Variants in ATP4A observed in about 807,000 individuals in gnomAD.
ATP4A encodes ATPase H+/K+ transporting subunit alpha.
ATP4A carries 73 observed loss-of-function variants against 112.1 expected under a neutral mutation model. That is an observed-to-expected ratio of 0.65 (90% CI 0.54 to 0.79). The LOEUF (loss-of-function observed/expected upper bound fraction) is 0.79. ATP4A is among the 30% of genes least tolerant of loss of function. The pLI, the probability that ATP4A is intolerant of heterozygous loss-of-function variation, is 0.00. For missense variants in ATP4A, 1,081 were observed against 1,425.9 expected, an observed-to-expected ratio of 0.76 and a Z score of 3.90; for synonymous variants, 588 against 588.9, an observed-to-expected ratio of 1.00 and a Z score of 0.02.
At position 35,560,227 on chromosome 19, in the gene ATP4A, G is replaced by A; in HGVS notation, c.787+136C>T. The A allele has an allele frequency of 6.6e-7, 1 of 1,524,532 alleles. No homozygotes were observed. Among genetic ancestry groups the A allele is most frequent in the Non-Finnish European group, 8.9e-7 (1 of 1,127,384 alleles). The allele number at this position is 1,524,532 out of a possible 1,614,324, so 94.4% of individuals were successfully genotyped here. ...AGACAGAGAAGCAGTGTGCCCTGGG[G>A]AGGTGGCAGTCACGGGGAGGTGGCA... On this transcript the variant is annotated intron_variant, in intron 6 of 21. Coordinates refer to ENST00000262623, the MANE Select transcript of ATP4A (RefSeq NM_000704.3). The surrounding 1 kb of genome is among the most constrained non-coding windows in gnomAD (Gnocchi z 5.1).
In ATP4A at chr19:35,560,954, G is replaced by A. The variant is rs752057358; in HGVS notation, c.421-22C>T. On this transcript the variant is annotated intron_variant, in intron 4 of 21. Transcript: ENST00000262623. The surrounding 1 kb of genome is among the most constrained non-coding windows in gnomAD (Gnocchi z 5.1). ...ACAGCTGGGGACAGGGAAGGGGTGG[G>A]GTTATTCAGAGGGGCCGGAAGCTGC... The A allele has an allele frequency of 1.2e-6, 2 of 1,609,084 alleles. No homozygotes were observed. Among genetic ancestry groups the A allele is most frequent in the African/African-American group, 1.3e-5 (1 of 74,806 alleles).
rs1267199228 is a variant in ATP4A, at chr19:35,551,668, G to C, written c.2752-88C>G. 4 of 1,526,608 alleles carry C rather than the reference G, an allele frequency of 2.6e-6. No individual in the cohort carries two copies. In the African/African-American group the frequency reaches 5.5e-5, roughly 21 times the overall value. 94.6% of individuals were successfully genotyped at this position (1,526,608 alleles called of 1,614,324 possible). The stretch of plus-strand genomic sequence containing the variant: ...GCAGCCCACCGGGCATAGGGTCCCA[G>C]GGCCGTGAACCCCTAAATGCTCTCT... On this transcript the variant is annotated intron_variant, in intron 18 of 21. Transcript: ENST00000262623. This position sits in a 1 kb window ranked among gnomAD's most constrained non-coding sequence, Gnocchi z 5.2.
Position 35,555,142 on chromosome 19 carries a change from C to A in ATP4A, c.2326+24G>T. The A allele has an allele frequency of 1.2e-6, 2 of 1,614,082 alleles. No individual in the cohort carries two copies. The highest frequency in any genetic ancestry group is 1.7e-6 in the Non-Finnish European group (2 of 1,179,994). On this transcript the variant is annotated intron_variant, in intron 15 of 21. Coordinates refer to ENST00000262623, the MANE Select transcript of ATP4A (RefSeq NM_000704.3). The surrounding 1 kb of genome is among the most constrained non-coding windows in gnomAD (Gnocchi z 6.6). ...CTCCCTCCTGTGCCCACACTGCCTG[C>A]CCTCCCCCTGGCGTGGCTCGGACCC...
chr19:35,555,603 T>C lies in ATP4A; in HGVS notation c.2007-13A>G, dbSNP rs776811961. ...GGCACGGGCATCCCTGGGGAGGAGA[T>C]GGGAGGACCTCGCTGGGACCTCGGT... On this transcript the variant is annotated splice_polypyrimidine_tract_variant and intron_variant, in intron 13 of 21. Coordinates refer to ENST00000262623, the MANE Select transcript of ATP4A (RefSeq NM_000704.3). This position sits in a 1 kb window ranked among gnomAD's most constrained non-coding sequence, Gnocchi z 6.6. 11 of 1,575,960 alleles carry C rather than the reference T, an allele frequency of 7.0e-6. No individual in the cohort carries two copies. The highest frequency in any genetic ancestry group is 5.1e-5 in the Admixed American group (3 of 58,374).
rs1246906706 is a variant in ATP4A, at chr19:35,558,563, C to A, written c.1365+14G>T. 6.3e-7 allele frequency: 1 copy of A among 1,596,722 alleles called. No homozygotes were observed. The highest frequency in any genetic ancestry group is 1.8e-5 in the Admixed American group (1 of 56,516). ...CAGCCTCCCGGGATTCCCTGGAGGC[C>A]CCCTGGCTCTCACCTTGGGCACAGG... On this transcript the variant is annotated intron_variant, in intron 9 of 21. Coordinates refer to ENST00000262623, the MANE Select transcript of ATP4A (RefSeq NM_000704.3). This position sits in a 1 kb window ranked among gnomAD's most constrained non-coding sequence, Gnocchi z 5.1.
At position 35,553,031 on chromosome 19, in the gene ATP4A, G is replaced by T. The variant is rs1258905426; in HGVS notation, c.2751+6C>A. The T allele has an allele frequency of 6.3e-7, 1 of 1,592,640 alleles. No individual in the cohort carries two copies. The highest frequency in any genetic ancestry group is 8.6e-7 in the Non-Finnish European group (1 of 1,163,874). On this transcript the variant is annotated splice_donor_region_variant and intron_variant, in intron 18 of 21. Transcript: ENST00000262623. ...CAGGGATGGGATGGGGCGGGGCAGG[G>T]CTCACCCACTCCTGGCCGTAGCTGT...
At position 35,559,507 on chromosome 19, in the gene ATP4A, C is replaced by A. The variant is rs1239047486; in HGVS notation, c.1056+298G>T. 1.3e-5 allele frequency among the ~76,000 whole-genome samples: 2 copies of A among 152,248 alleles called. No homozygotes were observed. The highest frequency in any genetic ancestry group is 4.8e-5 in the African/African-American group (2 of 41,460). ...CACCTCCCTGGGGACTGGTCTGGAG[C>A]TGGGTGCTGACTGTGGAAGGTCTGG... On this transcript the variant is annotated intron_variant, in intron 7 of 21. Coordinates refer to ENST00000262623, the MANE Select transcript of ATP4A (RefSeq NM_000704.3). The surrounding 1 kb of genome is among the most constrained non-coding windows in gnomAD (Gnocchi z 4.1).
rs148572774 is a variant in ATP4A at position 35,560,845 on chromosome 19, C to A, written c.508G>T (p.Ala170Ser). 1.3e-3 allele frequency: 2,056 copies of A among 1,613,806 alleles called. 3 individuals carry two copies. Among genetic ancestry groups the A allele is most frequent in the Admixed American group, 1.9e-3 (113 of 59,992 alleles). ...TGTGGCACAAGGTTCTTAAAGCTGG[C>A]GATGATGTTGGTGCTCTTGAATTCC... ...YQEFKSTNII[A>S]SFKNLVPQQA... The change falls in exon 5 of 22, where the codon GCC becomes TCC. Residue 170 changes from alanine to serine, a missense_variant. By Grantham distance (99) the Ala-to-Ser change is moderately conservative. Coordinates refer to ENST00000262623, the MANE Select transcript of ATP4A (RefSeq NM_000704.3). The surrounding 1 kb of genome is among the most constrained non-coding windows in gnomAD (Gnocchi z 5.1).
At chr19:35,553,893 G>A in intron 16 of ATP4A, 64 bp from the exon 17 acceptor site, 1 of 1,522,792 alleles carries the variant, frequency 6.6e-7, no homozygotes. Flanking sequence ...CTCCACTTCG[G>A]GTCCCCCTTC....
chr19:35,555,134 A>G lies in ATP4A; in HGVS notation c.2326+32T>C. On this transcript the variant is annotated intron_variant, in intron 15 of 21. Transcript: ENST00000262623. The surrounding 1 kb of genome is among the most constrained non-coding windows in gnomAD (Gnocchi z 6.6). Reference sequence around the variant, plus strand: ...ACAGCCCTCTCCCTCCTGTGCCCACACTGCCTGCCCTCCCCCTGGCGTGGC... The same window carrying G: ...ACAGCCCTCTCCCTCCTGTGCCCACGCTGCCTGCCCTCCCCCTGGCGTGGC... 1 of 1,613,900 alleles carries G rather than the reference A, an allele frequency of 6.2e-7. No homozygotes were observed. Among genetic ancestry groups the G allele is most frequent in the Non-Finnish European group, 8.5e-7 (1 of 1,179,936 alleles).
At position 35,557,910 on chromosome 19, in the gene ATP4A, G is replaced by A. The variant is rs2071641464; in HGVS notation, c.1501-63C>T. On this transcript the variant is annotated intron_variant, in intron 10 of 21. Coordinates refer to ENST00000262623, the MANE Select transcript of ATP4A (RefSeq NM_000704.3). The surrounding 1 kb of genome is among the most constrained non-coding windows in gnomAD (Gnocchi z 4.4). ...GAACGGGGCGGGGCTGTGGACGAGG[G>A]AACGGGGCGGGGCTGAGGAGAGGGG... The A allele has an allele frequency of 9.9e-6, 5 of 507,522 alleles. No homozygotes were observed. The South Asian group carries it at 1.3e-4, about 13-fold the overall frequency. The allele number at this position is 507,522 out of a possible 1,614,324, so 31.4% of individuals were successfully genotyped here.
At chr19:35,563,332 C>A in intron 2 of ATP4A, 52 bp downstream of exon 2, 1 of 1,612,220 alleles carries the variant, frequency 6.2e-7, no homozygotes, top group Non-Finnish European at 8.5e-7. Flanking sequence ...CCGCCCACTG[C>A]CTGGTTCCCA....
intron 4 of ATP4A, among the ~76,000 whole-genome samples, chr19:35,561,210 G>A (rs2071668922): frequency 6.6e-6 from 1 of 151,878 alleles, no homozygotes; most frequent in Non-Finnish European, 1.5e-5. Flanking sequence ...CCATATCTGT[G>A]ACTTGTGCCC....
At chr19:35,563,172 T>C (rs751053338) in intron 3 of ATP4A, 37 bp downstream of exon 3, 2 of 1,576,466 alleles carry the variant, frequency 1.3e-6, no homozygotes, top group Admixed American at 3.4e-5. Context: ...CCCTCTCTCC[T>C]CCTCCCCTTT....
intron 3 of ATP4A, 117 bp downstream of exon 3, chr19:35,563,092 A>C (rs528180461): frequency 1.6e-5 from 17 of 1,070,644 alleles, no homozygotes; most frequent in Middle Eastern, 3.3e-4. Flanking sequence ...CTATTTCTCC[A>C]TATCTTCCTC....
Position 35,558,650 on chromosome 19 carries a change from G to A in ATP4A, c.1292C>T (p.Ala431Val), listed in dbSNP as rs375401694. 5.7e-6 allele frequency: 9 copies of A among 1,586,038 alleles called. No homozygotes were observed. Among genetic ancestry groups the A allele is most frequent in the Non-Finnish European group, 7.7e-6 (9 of 1,170,622 alleles). Residue 431 changes from alanine to valine, a missense_variant, in exon 9 of 22, where the codon GCG (alanine) becomes GTG (valine). Ala to Val is a moderately conservative substitution (Grantham distance 64). Transcript: ENST00000262623. This position sits in a 1 kb window ranked among gnomAD's most constrained non-coding sequence, Gnocchi z 5.1. The stretch of plus-strand genomic sequence containing the variant: ...GCACAGGGTGAGCACCCGGCACAGC[G>A]CCCGCCACGTCTCCGAGGACTGGTC... ...TFDQSSETWRALCRVLTLCNR... is the reference protein window; with the variant it reads ...TFDQSSETWRVLCRVLTLCNR...
chr19:35,552,943 A>G, intron 18 of ATP4A, 94 bp downstream of exon 18: 4 of 1,444,858 alleles, frequency 2.8e-6, no homozygotes, highest in South Asian at 2.8e-5. Flanking sequence ...GGCTGAACTC[A>G]GTCACACGTG....
chr19:35,556,052 T>C (rs1367894487), intron 12 of ATP4A, among the ~76,000 whole-genome samples: 1 of 152,026 alleles, frequency 6.6e-6, no homozygotes, highest in Admixed American at 6.5e-5. Context: ...GAAAAAAACA[T>C]ATTAAGCTTG....
Position 35,550,605 on chromosome 19 carries a change from A to G in ATP4A, c.*10T>C, listed in dbSNP as rs1329239320. Reference sequence around the variant, plus strand: ...GGCAGTTGCAGGGATGCTTGAAGGCAGTCGTCCCTCTAATAGTAGAGTTCC... The same window carrying G: ...GGCAGTTGCAGGGATGCTTGAAGGCGGTCGTCCCTCTAATAGTAGAGTTCC... On this transcript the variant is annotated 3_prime_UTR_variant, in exon 22 of 22. Coordinates refer to ENST00000262623, the MANE Select transcript of ATP4A (RefSeq NM_000704.3). This position sits in a 1 kb window ranked among gnomAD's most constrained non-coding sequence, Gnocchi z 4.1. 17 of 1,613,714 alleles carry G rather than the reference A, an allele frequency of 1.1e-5. No homozygotes were observed. Among genetic ancestry groups the G allele is most frequent in the African/African-American group, 1.3e-5 (1 of 74,870 alleles).
Sources: gnomAD v4.1 joint callset for allele counts (sites outside exome capture counted in the v4.1 genomes callset) on GRCh38, gnomAD v4.1.1 for gene constraint, Gnocchi (gnomAD v3.1) non-coding constraint, MANE v1.5 for transcripts, NCBI Gene and HGNC (gene_info 2026-07-23, HGNC 2026-07-21) for gene names.